MYO16: variants seen among roughly 807,000 people sequenced by gnomAD.
MYO16 encodes the protein myosin XVI, also known as unconventional myosin-XVI.
MYO16 carries 94 observed loss-of-function variants against 205.3 expected under a neutral mutation model. That is an observed-to-expected ratio of 0.46 (90% confidence interval 0.39 to 0.54). The LOEUF (loss-of-function observed/expected upper bound fraction) is 0.54, where lower values mean the gene tolerates loss of function less well. MYO16 is among the 20% of genes least tolerant of loss of function. The probability of loss-of-function intolerance (pLI) is 0.00; values close to 1 mark genes in which losing one functional copy is unlikely to be tolerated. For missense variants in MYO16, 2,315 were observed against 2,387.5 expected (o/e 0.97, Z 0.63); for synonymous variants, 988 against 954.0 (o/e 1.04, Z -0.66).
chr13:108,806,876 A>C (rs1887131357), intron 7 of MYO16, 72 bp downstream of exon 7: 2 of 1,156,588 alleles, frequency 1.7e-6, no homozygotes, highest in African/African-American at 1.6e-5. Context: ...TTCAATTTTG[A>C]TTTGATTTTA....
At chr13:108,873,945 C>A (rs1015374561) in intron 12 of MYO16, among the ~76,000 whole-genome samples, 9 of 152,224 alleles carry the variant, frequency 5.9e-5, no homozygotes, top group Non-Finnish European at 8.8e-5. Flanking sequence ...TACAAAAAAG[C>A]AACCTTAAAA....
At chr13:108,866,320 A>G (rs1326429247) in intron 12 of MYO16, 78 bp downstream of exon 12, 1 of 839,912 alleles carries the variant, frequency 1.2e-6, no homozygotes, top group Non-Finnish European at 1.8e-6. Flanking sequence ...TCAAATGACT[A>G]AAAAAAACAG....
At chr13:108,853,954 T>TTGTGGG (rs1555305769) in intron 10 of MYO16, among the ~76,000 whole-genome samples, 14 of 138,500 alleles carry the variant, frequency 1.0e-4, no homozygotes, top group African/African-American at 3.7e-4. Flanking sequence ...GTTTCTATTA[T>TTGTGGG]TGTGTGTGTG....
intron 15 of MYO16, among the ~76,000 whole-genome samples, chr13:108,900,461 T>C (rs970800092): frequency 1.3e-5 from 2 of 152,200 alleles, no homozygotes; most frequent in Admixed American, 6.5e-5. Context: ...GCTGAAGCCA[T>C]GGTGGAAGAA....
chr13:108,619,690 G>A (rs918649047), intron 1 of MYO16, among the ~76,000 whole-genome samples: 6 of 152,168 alleles, frequency 3.9e-5, no homozygotes, highest in South Asian at 2.1e-4. Context: ...CAGTTTGCCC[G>A]CTGTGACCCT....
chr13:108,664,602 T>C (rs1881643957), intron 1 of MYO16, among the ~76,000 whole-genome samples: 1 of 152,218 alleles, frequency 6.6e-6, no homozygotes, highest in East Asian at 1.9e-4. Context: ...TCTTCTTGGA[T>C]ATGGCATATG....
chr13:109,138,677 T>C (rs1876893988), intron 31 of MYO16, among the ~76,000 whole-genome samples: 3 of 152,102 alleles, frequency 2.0e-5, no homozygotes, highest in Admixed American at 2.0e-4. Flanking sequence ...GTATGTGTTT[T>C]TGTTAAGGAT....
intron 7 of MYO16, among the ~76,000 whole-genome samples, chr13:108,809,950 T>TA (rs1473147873): frequency 1.3e-5 from 2 of 152,180 alleles, no homozygotes; most frequent in African/African-American, 4.8e-5. Context: ...GGGAGACTTT[T>TA]ACTTAGTTCA....
chr13:108,923,259 A>G (rs1881829185), intron 16 of MYO16, among the ~76,000 whole-genome samples: 1 of 152,228 alleles, frequency 6.6e-6, no homozygotes, highest in African/African-American at 2.4e-5. Context: ...AAGATGCGGG[A>G]TGACCTCAGA....
chr13:109,104,033 T>C (rs912332394), intron 28 of MYO16, among the ~76,000 whole-genome samples: 2 of 152,118 alleles, frequency 1.3e-5, no homozygotes, highest in African/African-American at 4.8e-5. Context: ...TATTTTAGAT[T>C]TGAGGTAATG....
In MYO16 at chr13:109,141,399, C is replaced by A. The variant is rs117959627; in HGVS notation, c.5164+23C>A. 13,564 of 1,421,774 alleles carry A rather than the reference C, an allele frequency of 9.5e-3. 76 individuals are homozygous for A. The highest frequency in any genetic ancestry group is 0.012 in the Non-Finnish European group (12,513 of 1,075,114). The allele number at this position is 1,421,774 out of a possible 1,614,324, so 88.1% of individuals were successfully genotyped here. A position where few individuals can be genotyped will look rare whatever the true frequency, so the allele number is the denominator to read the frequency against. On this transcript the variant is annotated intron_variant, in intron 32 of 34. Coordinates refer to ENST00000457511, the MANE Select transcript of MYO16 (RefSeq NM_001198950.3). This position sits in a 1 kb window ranked among gnomAD's most constrained non-coding sequence, Gnocchi z 4.1. ...AAGGTAAGCGGAGCAGACATCCCCC[C>A]ACTCCTTTTGCATGGACGCTGTGCT... is the stretch of plus-strand genomic sequence containing the variant.
intron 16 of MYO16, among the ~76,000 whole-genome samples, chr13:108,918,966 A>T (rs962311058): frequency 9.1e-6 from 1 of 110,052 alleles, no homozygotes; most frequent in African/African-American, 3.6e-5. Context: ...AAAAAAAAAA[A>T]AAAAACTTAC....
chr13:108,798,882 T>G (rs1886884097), intron 6 of MYO16, among the ~76,000 whole-genome samples: 1 of 142,950 alleles, frequency 7.0e-6, no homozygotes, highest in African/African-American at 2.6e-5. Flanking sequence ...ATTTTTTGTA[T>G]TTTTAGTAGA....
At chr13:108,621,176 C>T (rs1879528187) in intron 1 of MYO16, among the ~76,000 whole-genome samples, 1 of 152,130 alleles carries the variant, frequency 6.6e-6, no homozygotes. Context: ...TCCATAATGC[C>T]ATGCATTTTC....
At chr13:108,677,356 C>CATATATATATATATATGCAT (rs200767728) in intron 2 of MYO16, among the ~76,000 whole-genome samples, 10 of 98,520 alleles carry the variant, frequency 1.0e-4, no homozygotes, top group East Asian at 7.3e-4. Flanking sequence ...TATATATATG[C>CATATATATATATATATGCAT]ATATATATAT....
the MYO16 span, among the ~76,000 whole-genome samples, chr13:108,550,630 G>A: frequency 2.1e-3 from 319 of 152,258 alleles, 2 homozygotes; most frequent in African/African-American, 7.2e-3. Flanking sequence ...AAGTTATAAT[G>A]TCTGTGAATC....
Position 109,140,907 on chromosome 13 carries a change from C to T in MYO16, c.4695C>T (p.Ser1565=), listed in dbSNP as rs757556142. ...EGSSPLSPQY[S]KSQKGDGDRP... is the part of the protein sequence containing the mutation. ...CGAGCCCGCTGTCCCCGCAGTACTC[C>T]AAGAGCCAGAAGGGCGACGGCGACA... is the stretch of plus-strand genomic sequence containing the variant. The change falls in exon 32 of 35, where the codon TCC becomes TCT. Residue 1565 remains serine, a synonymous_variant. Coordinates refer to ENST00000457511, the MANE Select transcript of MYO16 (RefSeq NM_001198950.3). The surrounding 1 kb of genome is among the most constrained non-coding windows in gnomAD (Gnocchi z 8.0). 2 of 1,581,260 alleles carry T rather than the reference C, an allele frequency of 1.3e-6. No homozygotes were observed. The highest frequency in any genetic ancestry group is 4.9e-5 in the East Asian group (2 of 40,938).
At chr13:108,553,564 C>T in the MYO16 span, among the ~76,000 whole-genome samples, 1 of 152,174 alleles carries the variant, frequency 6.6e-6, no homozygotes, top group Non-Finnish European at 1.5e-5. Flanking sequence ...TCTCACATTA[C>T]ACTGGGAACA....
intron 4 of MYO16, among the ~76,000 whole-genome samples, chr13:108,777,266 C>T (rs1594285701): frequency 6.6e-6 from 1 of 152,004 alleles, no homozygotes; most frequent in Non-Finnish European, 1.5e-5. Context: ...TACTAGCCAG[C>T]GTCCAGTAGA....
Sources: gnomAD v4.1 joint callset for allele counts (sites outside exome capture counted in the v4.1 genomes callset) on GRCh38, gnomAD v4.1.1 for gene constraint, Gnocchi (gnomAD v3.1) non-coding constraint, MANE v1.5 for transcripts, NCBI Gene and HGNC (gene_info 2026-07-23, HGNC 2026-07-21) for gene names.